ABRAXAS2: variants seen among roughly 807,000 people sequenced by gnomAD.
ABRAXAS2 encodes the protein BRISC complex subunit Abraxas 2.
ABRAXAS2 carries 23 observed loss-of-function variants against 49.0 expected under a neutral mutation model. The ratio of observed to expected loss-of-function variants is 0.47; its 90% confidence interval spans 0.34 to 0.66. The LOEUF (loss-of-function observed/expected upper bound fraction) is 0.66, where lower values mean the gene tolerates loss of function less well. Ranked by LOEUF, ABRAXAS2 falls within the 30% of genes least tolerant of loss-of-function variation. ABRAXAS2 has a pLI of 0.01. For synonymous variants in ABRAXAS2, 168 were observed against 180.2 expected, an observed-to-expected ratio of 0.93 and a Z score of 0.54; for missense variants, 443 against 511.9, an observed-to-expected ratio of 0.87 and a Z score of 1.30.
intron 8 of ABRAXAS2, 35 bp downstream of exon 8, chr10:124,831,498 G>A: frequency 8.5e-7 from 1 of 1,173,940 alleles, no homozygotes; most frequent in Non-Finnish European, 1.3e-6. Context: ...TTCAGTATCA[G>A]GGAAATGTTG....
At chr10:124,831,761 C>T (rs1401020606) in intron 8 of ABRAXAS2, among the ~76,000 whole-genome samples, 1 of 149,530 alleles carries the variant, frequency 6.7e-6, no homozygotes, top group South Asian at 2.1e-4. Flanking sequence ...TATTGACAAT[C>T]GGACCTAGTT....
intron 2 of ABRAXAS2, among the ~76,000 whole-genome samples, chr10:124,808,437 A>G (rs935076627): frequency 6.6e-6 from 1 of 151,964 alleles, no homozygotes; most frequent in Non-Finnish European, 1.5e-5. Flanking sequence ...CAGCCTCCCA[A>G]ACTGCTGGGA....
At chr10:124,805,575 C>G (rs1003148687) in intron 1 of ABRAXAS2, among the ~76,000 whole-genome samples, 3 of 152,160 alleles carry the variant, frequency 2.0e-5, no homozygotes, top group Non-Finnish European at 2.9e-5. Flanking sequence ...AATAAGCACA[C>G]AGTCCCTGCT....
intron 3 of ABRAXAS2, among the ~76,000 whole-genome samples, chr10:124,819,066 A>G (rs1049579997): frequency 2.6e-5 from 4 of 152,120 alleles, no homozygotes; most frequent in Admixed American, 2.6e-4. Flanking sequence ...TCTTTTTTTC[A>G]TAAGTAATTG....
intron 1 of ABRAXAS2, among the ~76,000 whole-genome samples, chr10:124,804,770 G>A (rs538859344): frequency 1.6e-4 from 23 of 142,202 alleles, no homozygotes; most frequent in Middle Eastern, 3.4e-3. Flanking sequence ...CTTGAGTGCC[G>A]TGGCACAATC....
At chr10:124,825,279 C>T (rs1039468830) in intron 4 of ABRAXAS2, among the ~76,000 whole-genome samples, 4 of 140,124 alleles carry the variant, frequency 2.9e-5, no homozygotes, top group Non-Finnish European at 4.5e-5. Flanking sequence ...GATCATGCCA[C>T]TGCACTCTAG....
At chr10:124,806,412 AT>A (rs1358448391) in intron 1 of ABRAXAS2, among the ~76,000 whole-genome samples, 4 of 152,154 alleles carry the variant, frequency 2.6e-5, no homozygotes, top group Non-Finnish European at 5.9e-5. Context: ...GTATAAAAGC[AT>A]TTAGTTGTCA....
At chr10:124,818,612 G>A (rs779441696) in intron 3 of ABRAXAS2, among the ~76,000 whole-genome samples, 4 of 151,930 alleles carry the variant, frequency 2.6e-5, no homozygotes, top group East Asian at 3.9e-4. Flanking sequence ...GTTTTTAACC[G>A]TATCTTGAAC....
chr10:124,814,486 G>T (rs1950811045), intron 2 of ABRAXAS2, among the ~76,000 whole-genome samples: 1 of 151,412 alleles, frequency 6.6e-6, no homozygotes, highest in Non-Finnish European at 1.5e-5. Context: ...CAAGTAGCTG[G>T]GATTACAGGT....
At chr10:124,805,176 A>G (rs1485884049) in intron 1 of ABRAXAS2, among the ~76,000 whole-genome samples, 1 of 152,066 alleles carries the variant, frequency 6.6e-6, no homozygotes, top group Non-Finnish European at 1.5e-5. Context: ...TACTAAAAAT[A>G]CAAAAAATTA....
intron 4 of ABRAXAS2, among the ~76,000 whole-genome samples, chr10:124,824,477 A>G (rs1203755714): frequency 2.6e-5 from 4 of 151,480 alleles, no homozygotes; most frequent in Non-Finnish European, 5.9e-5. Context: ...TGCTTGAGCC[A>G]AGATCGCGCC....
intron 4 of ABRAXAS2, among the ~76,000 whole-genome samples, chr10:124,821,994 A>G (rs1950864326): frequency 6.6e-6 from 1 of 152,230 alleles, no homozygotes; most frequent in South Asian, 2.1e-4. Flanking sequence ...TACTCATTTT[A>G]TAGTTGAGAA....
At chr10:124,804,693 A>C (rs1381576196) in intron 1 of ABRAXAS2, among the ~76,000 whole-genome samples, 3 of 148,374 alleles carry the variant, frequency 2.0e-5, no homozygotes, top group Admixed American at 6.9e-5. Context: ...TTTTAAGGGA[A>C]TATATATATT....
intron 5 of ABRAXAS2, 35 bp from the exon 6 acceptor site, chr10:124,828,721 A>G (rs768758270): frequency 6.2e-7 from 1 of 1,601,600 alleles, no homozygotes; most frequent in South Asian, 1.1e-5. Context: ...ATAGAATGGT[A>G]CATTTAACAT....
Position 124,830,224 on chromosome 10 carries a change from C to T in ABRAXAS2, c.663+747C>T, listed in dbSNP as rs544129184. Among the ~76,000 whole-genome samples, 14 of 152,230 alleles carry T rather than the reference C, an allele frequency of 9.2e-5. No individual in the cohort carries two copies. The South Asian group carries it at 1.7e-3, about 18-fold the overall frequency. ...TTTTGGGAGGCCTAGGCAAGAGGGTCGCTTGAGCCAAGGAGTTCGAGATCA... is the reference window on the plus strand; with the variant it reads ...TTTTGGGAGGCCTAGGCAAGAGGGTTGCTTGAGCCAAGGAGTTCGAGATCA... On this transcript the variant is annotated intron_variant, in intron 7 of 8. Coordinates refer to ENST00000298492, the MANE Select transcript of ABRAXAS2 (RefSeq NM_032182.4).
chr10:124,828,917 A>G, intron 6 of ABRAXAS2, 42 bp downstream of exon 6: 2 of 1,597,414 alleles, frequency 1.3e-6, no homozygotes, highest in Non-Finnish European at 1.7e-6. Context: ...TTTTGTCAGC[A>G]ATATTTCTTT....
At chr10:124,829,216 C>CATTTTTTAA (rs1950915423) in intron 6 of ABRAXAS2, among the ~76,000 whole-genome samples, 177 bp from the exon 7 acceptor site, 1 of 152,128 alleles carries the variant, frequency 6.6e-6, no homozygotes, top group South Asian at 2.1e-4. Context: ...ATCTTGGTAA[C>CATTTTTTAA]ATGGGTTTTT....
Position 124,806,938 on chromosome 10 carries a change from A to AT in ABRAXAS2, c.163+18dup, listed in dbSNP as rs752453077. On this transcript the variant is annotated intron_variant, in intron 2 of 8. Coordinates refer to ENST00000298492, the MANE Select transcript of ABRAXAS2 (RefSeq NM_032182.4). ...AAGTAATTGGTAAGTAAATTTCTCA[A>AT]TGACCTTAGAAATATCTTTTTTGTA... is the stretch of plus-strand genomic sequence containing the variant. The AT allele has an allele frequency of 5.3e-6, 8 of 1,499,382 alleles. No individual in the cohort carries two copies. Among genetic ancestry groups the AT allele is most frequent in the African/African-American group, 1.4e-5 (1 of 72,598 alleles). The allele number at this position is 1,499,382 out of a possible 1,614,324, so 92.9% of individuals were successfully genotyped here. A position where few individuals can be genotyped will look rare whatever the true frequency, so the allele number is the denominator to read the frequency against.
intron 2 of ABRAXAS2, among the ~76,000 whole-genome samples, chr10:124,814,384 C>T (rs930864015): frequency 1.3e-5 from 2 of 150,156 alleles, no homozygotes; most frequent in Admixed American, 6.6e-5. Context: ...GAGTCTCACT[C>T]TGTTGCCCAG....
Sources: gnomAD v4.1 joint callset for allele counts (sites outside exome capture counted in the v4.1 genomes callset) on GRCh38, gnomAD v4.1.1 for gene constraint, MANE v1.5 for transcripts, NCBI Gene and HGNC (gene_info 2026-07-23, HGNC 2026-07-21) for gene names.